Variants in PRKG2 observed in about 807,000 individuals in gnomAD.
PRKG2 encodes protein kinase cGMP-dependent 2.
PRKG2 carries 33 observed loss-of-function variants against 97.2 expected under a neutral mutation model. The ratio of observed to expected loss-of-function variants is 0.34; its 90% confidence interval spans 0.26 to 0.45. The LOEUF is 0.45. PRKG2 is among the 20% of genes least tolerant of loss of function. The pLI, the probability that PRKG2 is intolerant of heterozygous loss-of-function variation, is 1.00. For synonymous variants in PRKG2, 330 were observed against 321.8 expected (o/e 1.03, Z -0.27); for missense variants, 638 against 900.0 (o/e 0.71, Z 3.73).
intron 6 of PRKG2, among the ~76,000 whole-genome samples, chr4:81,157,400 T>C (rs1021891597): frequency 6.6e-6 from 1 of 152,186 alleles, no homozygotes; most frequent in African/African-American, 2.4e-5. Flanking sequence ...AATCTCTGAA[T>C]AGACCAATAA....
intron 8 of PRKG2, among the ~76,000 whole-genome samples, chr4:81,150,377 G>T (rs1748268192): frequency 1.3e-5 from 2 of 152,100 alleles, no homozygotes; most frequent in Admixed American, 1.3e-4. Flanking sequence ...AATTCTGAAA[G>T]AACTCCAGGG....
At chr4:81,204,347 A>G (rs1401676697) in intron 2 of PRKG2, among the ~76,000 whole-genome samples, 1 of 152,166 alleles carries the variant, frequency 6.6e-6, no homozygotes, top group Non-Finnish European at 1.5e-5. Flanking sequence ...TTTCAAGGTA[A>G]TAGAAATAAT....
chr4:81,092,217 T>C (rs998586944), intron 18 of PRKG2, among the ~76,000 whole-genome samples, 169 bp downstream of exon 18: 1 of 151,754 alleles, frequency 6.6e-6, no homozygotes, highest in Non-Finnish European at 1.5e-5. Flanking sequence ...TACTATTTAG[T>C]CCCTATAATC....
At chr4:81,209,804 C>T (rs1182181261) in intron 1 of PRKG2, among the ~76,000 whole-genome samples, 1 of 151,986 alleles carries the variant, frequency 6.6e-6, no homozygotes, top group African/African-American at 2.4e-5. Flanking sequence ...CTGATACTGT[C>T]CAACTTTAAG....
intron 3 of PRKG2, among the ~76,000 whole-genome samples, chr4:81,173,269 A>G (rs1159668702): frequency 6.6e-6 from 1 of 152,160 alleles, no homozygotes; most frequent in East Asian, 1.9e-4. Context: ...AATTCAAATA[A>G]GAAACCATCC....
intron 2 of PRKG2, among the ~76,000 whole-genome samples, chr4:81,204,219 CTTT>C (rs748154542): frequency 5.0e-5 from 7 of 139,738 alleles, no homozygotes; most frequent in Non-Finnish European, 4.7e-5. Flanking sequence ...ATGTGACTCT[CTTT>C]TTTTTTTTTT....
Position 81,204,728 on chromosome 4 carries a change from C to T in PRKG2, c.320G>A (p.Arg107Gln), listed in dbSNP as rs759704753. Residue 107 changes from arginine to glutamine, a missense_variant, in exon 2 of 19, where the codon CGG becomes CAG. By Grantham distance (43) the Arg-to-Gln change is conservative (BLOSUM62 1). Transcript: ENST00000264399. ...GAGAGAGACCAATCCAGAGGTCTTC[C>T]GGTGGACCTCAAGAGGCACTTTATC... is the stretch of plus-strand genomic sequence containing the variant. ...SPDKVPLEVH[R>Q]KTSGLVSLHS... is the part of the protein sequence containing the mutation. 2.8e-5 allele frequency: 45 copies of T among 1,614,052 alleles called. No individual in the cohort carries two copies. Among genetic ancestry groups the T allele is most frequent in the Non-Finnish European group, 2.5e-5 (30 of 1,180,030 alleles).
chr4:81,110,361 C>T (rs1286085497), intron 15 of PRKG2, 87 bp downstream of exon 15: 2 of 1,371,464 alleles, frequency 1.5e-6, no homozygotes, highest in Non-Finnish European at 2.0e-6. Context: ...AAATGTTACG[C>T]TCTTAAAGTA....
intron 1 of PRKG2, among the ~76,000 whole-genome samples, chr4:81,213,754 A>G (rs1754125908): frequency 6.6e-6 from 1 of 152,224 alleles, no homozygotes; most frequent in South Asian, 2.1e-4. Context: ...ATAAGGGATC[A>G]CAGGACTTGG....
chr4:81,178,267 T>G (rs2110092513), intron 2 of PRKG2, among the ~76,000 whole-genome samples: 1 of 152,170 alleles, frequency 6.6e-6, no homozygotes, highest in East Asian at 1.9e-4. Context: ...AAAGTAAGCA[T>G]TCTCCATTGG....
intron 9 of PRKG2, 99 bp downstream of exon 9, chr4:81,148,785 A>G (rs1748103372): frequency 2.0e-6 from 2 of 1,016,186 alleles, no homozygotes; most frequent in Non-Finnish European, 3.1e-6. Flanking sequence ...AGTATTTCCA[A>G]GTGGTGATGA....
At chr4:81,196,986 C>T (rs1012552115) in intron 2 of PRKG2, among the ~76,000 whole-genome samples, 5 of 152,164 alleles carry the variant, frequency 3.3e-5, no homozygotes, top group Non-Finnish European at 5.9e-5. Flanking sequence ...TCATCCTTGT[C>T]TTCAGATCTG....
rs1741635487 is a variant in PRKG2 at position 81,092,383 on chromosome 4, T to C, written c.2193+3A>G. 69 of 1,554,072 alleles carry C rather than the reference T, an allele frequency of 4.4e-5. No homozygotes were observed. The highest frequency in any genetic ancestry group is 5.8e-5 in the Non-Finnish European group (66 of 1,135,770). On this transcript the variant is annotated splice_donor_region_variant and intron_variant, in intron 18 of 18. Transcript: ENST00000264399. ...TAAAAAAGTAATATAATAAATACAA[T>C]ACCTCTCTTTGCAAAGGTGATGGAA... is the stretch of plus-strand genomic sequence containing the variant.
At chr4:81,152,602 C>A (rs1405072832) in intron 7 of PRKG2, among the ~76,000 whole-genome samples, 1 of 152,152 alleles carries the variant, frequency 6.6e-6, no homozygotes, top group Non-Finnish European at 1.5e-5. Context: ...GAACCCCCCA[C>A]CCAGCAGGGC....
intron 14 of PRKG2, among the ~76,000 whole-genome samples, chr4:81,117,910 C>T (rs1001882406): frequency 6.6e-6 from 1 of 152,124 alleles, no homozygotes; most frequent in Non-Finnish European, 1.5e-5. Context: ...GATTTGGACA[C>T]ATGTATATGG....
In PRKG2 at chr4:81,152,024, C is replaced by G. The variant is rs746914865; in HGVS notation, c.1021G>C (p.Asp341His). 1.9e-6 allele frequency: 3 copies of G among 1,613,054 alleles called. No homozygotes were observed. Among genetic ancestry groups the G allele is most frequent in the African/African-American group, 1.3e-5 (1 of 74,878 alleles). ...VKVTQSTEGH[D>H]QPQLIKTLQK... Reference sequence around the variant, plus strand: ...AGTGTTTTTATCAGCTGTGGTTGATCATGGCCTTCTGTGCTCTGTGTTACT... The same window carrying G: ...AGTGTTTTTATCAGCTGTGGTTGATGATGGCCTTCTGTGCTCTGTGTTACT... The change falls in exon 8 of 19, where the codon GAT becomes CAT. Residue 341 changes from aspartate (D) to histidine (H), a missense_variant. Coordinates refer to ENST00000264399, the MANE Select transcript of PRKG2 (RefSeq NM_006259.3).
intron 13 of PRKG2, among the ~76,000 whole-genome samples, 192 bp from the exon 14 acceptor site, chr4:81,135,488 G>GT (rs879013479): frequency 1.3e-5 from 2 of 152,270 alleles, no homozygotes; most frequent in South Asian, 4.1e-4. Flanking sequence ...AGGGAGATAT[G>GT]TGATACAAAC....
intron 6 of PRKG2, among the ~76,000 whole-genome samples, chr4:81,166,653 G>C (rs1373479439): frequency 6.6e-6 from 1 of 152,092 alleles, no homozygotes; most frequent in Non-Finnish European, 1.5e-5. Flanking sequence ...TGTTAAAATA[G>C]ATAAAGTGCT....
intron 2 of PRKG2, among the ~76,000 whole-genome samples, chr4:81,199,239 C>T (rs1753148648): frequency 6.6e-6 from 1 of 152,034 alleles, no homozygotes; most frequent in South Asian, 2.1e-4. Context: ...GCAAAAGTTC[C>T]CACTCCTGCA....
Sources: gnomAD v4.1 joint callset for allele counts (sites outside exome capture counted in the v4.1 genomes callset) on GRCh38, gnomAD v4.1.1 for gene constraint, MANE v1.5 for transcripts, NCBI Gene and HGNC (gene_info 2026-07-23, HGNC 2026-07-21) for gene names.